Variants in ERBB4 observed in about 807,000 individuals in gnomAD.
The protein encoded by ERBB4 is receptor tyrosine-protein kinase erbB-4.
A neutral mutation model predicts 158.0 loss-of-function variants in ERBB4; 42 were observed. The ratio of observed to expected loss-of-function variants is 0.27; its 90% CI spans 0.21 to 0.34. The LOEUF is 0.34. ERBB4 is among the 10% of genes least tolerant of loss of function. ERBB4 has a pLI of 1.00. For missense variants in ERBB4, 1,333 were observed against 1,624.1 expected, an observed-to-expected ratio of 0.82 and a Z score of 3.08; for synonymous variants, 583 against 558.7, an observed-to-expected ratio of 1.04 and a Z score of -0.61.
chr2:211,799,201 AAC>A (rs571722706), intron 3 of ERBB4, among the ~76,000 whole-genome samples: 1 of 152,264 alleles, frequency 6.6e-6, no homozygotes, highest in Admixed American at 6.5e-5. Flanking sequence ...TTAATTCAAA[AAC>A]ACAATATTCT....
chr2:212,420,821 G>A (rs556734459), intron 1 of ERBB4, among the ~76,000 whole-genome samples: 2 of 152,236 alleles, frequency 1.3e-5, no homozygotes, highest in South Asian at 4.1e-4. Flanking sequence ...CAAATGAAGA[G>A]CATTATGAGG....
At chr2:212,072,139 C>T (rs2078139434) in intron 2 of ERBB4, among the ~76,000 whole-genome samples, 1 of 151,952 alleles carries the variant, frequency 6.6e-6, no homozygotes, top group African/African-American at 2.4e-5. Context: ...TGTGTGTATT[C>T]AGGTCAAGGG....
At chr2:211,503,443 T>C (rs1336736878) in intron 20 of ERBB4, among the ~76,000 whole-genome samples, 1 of 152,138 alleles carries the variant, frequency 6.6e-6, no homozygotes, top group Non-Finnish European at 1.5e-5. Context: ...ACTGCCAGCC[T>C]GGTTGTTACC....
intron 3 of ERBB4, among the ~76,000 whole-genome samples, chr2:211,826,678 G>A (rs541425970): frequency 6.6e-6 from 1 of 151,890 alleles, no homozygotes; most frequent in East Asian, 1.9e-4. Flanking sequence ...TATGCAGAAT[G>A]GGAACAGGAA....
intron 12 of ERBB4, among the ~76,000 whole-genome samples, chr2:211,691,592 GTGTGTGTGTGTATA>G (rs1432480437): frequency 6.8e-6 from 1 of 146,582 alleles, no homozygotes; most frequent in Admixed American, 6.7e-5. Context: ...GTGTGTGTGT[GTGTGTGTGTGTATA>G]TATATAACAG....
At chr2:211,837,836 C>A (rs1379037539) in intron 3 of ERBB4, among the ~76,000 whole-genome samples, 1 of 151,880 alleles carries the variant, frequency 6.6e-6, no homozygotes, top group Non-Finnish European at 1.5e-5. Context: ...TACAGGGTAG[C>A]AAATAAAGAC....
At chr2:212,204,150 AT>A (rs1159272761) in intron 1 of ERBB4, among the ~76,000 whole-genome samples, 7 of 152,100 alleles carry the variant, frequency 4.6e-5, no homozygotes, top group Admixed American at 2.6e-4. Context: ...CACTGATTTG[AT>A]TTTTTAACAA....
At chr2:212,304,274 G>C (rs1415315386) in intron 1 of ERBB4, among the ~76,000 whole-genome samples, 1 of 151,444 alleles carries the variant, frequency 6.6e-6, no homozygotes, top group Non-Finnish European at 1.5e-5. Flanking sequence ...GAAAGCCCGT[G>C]AAACTAATTC....
At chr2:212,455,316 C>A (rs2106040878) in intron 1 of ERBB4, among the ~76,000 whole-genome samples, 1 of 152,298 alleles carries the variant, frequency 6.6e-6, no homozygotes, top group East Asian at 1.9e-4. Context: ...TTTCCATTCT[C>A]TCATTAGGTG....
At chr2:211,540,217 T>G (rs12694239) in intron 20 of ERBB4, among the ~76,000 whole-genome samples, 1 of 122,302 alleles carries the variant, frequency 8.2e-6, no homozygotes, top group Non-Finnish European at 1.8e-5. Flanking sequence ...CACACACACA[T>G]ATATATAATA....
chr2:212,328,240 T>C (rs1319996252), intron 1 of ERBB4, among the ~76,000 whole-genome samples: 1 of 152,022 alleles, frequency 6.6e-6, no homozygotes, highest in Admixed American at 6.6e-5. Flanking sequence ...GAGGCCTTTC[T>C]GTGCAGCTTA....
intron 1 of ERBB4, among the ~76,000 whole-genome samples, chr2:212,518,897 A>G (rs1469439713): frequency 1.3e-5 from 2 of 152,008 alleles, no homozygotes; most frequent in Admixed American, 1.3e-4. Flanking sequence ...GTTGCATGTC[A>G]GGCAATAATC....
chr2:211,639,821 A>G (rs933859034), intron 16 of ERBB4, among the ~76,000 whole-genome samples: 2 of 152,062 alleles, frequency 1.3e-5, no homozygotes. Context: ...TCCGGAGTTC[A>G]AGCGACTCTC....
intron 3 of ERBB4, among the ~76,000 whole-genome samples, chr2:211,840,480 T>C (rs1225244512): frequency 6.6e-6 from 1 of 152,132 alleles, no homozygotes; most frequent in African/African-American, 2.4e-5. Context: ...TGCTGCAGTT[T>C]CCATGGATGG....
intron 20 of ERBB4, among the ~76,000 whole-genome samples, chr2:211,529,306 A>G (rs776250934): frequency 6.6e-6 from 1 of 152,014 alleles, no homozygotes; most frequent in Non-Finnish European, 1.5e-5. Context: ...TTGAACCATG[A>G]AGAAATCCAA....
At chr2:212,384,669 A>G (rs558764993) in intron 1 of ERBB4, among the ~76,000 whole-genome samples, 1 of 151,774 alleles carries the variant, frequency 6.6e-6, no homozygotes, top group Non-Finnish European at 1.5e-5. Flanking sequence ...TGTTTAGCAC[A>G]AAATGGCAAT....
chr2:211,592,160 T>C (rs186019150), intron 19 of ERBB4, among the ~76,000 whole-genome samples: 199 of 148,882 alleles, frequency 1.3e-3, no homozygotes, highest in Non-Finnish European at 2.2e-3. Context: ...TTTAAGACTA[T>C]TACAAGCTGC....
intron 1 of ERBB4, among the ~76,000 whole-genome samples, chr2:212,320,535 A>C (rs1250573170): frequency 1.3e-5 from 2 of 148,632 alleles, no homozygotes; most frequent in African/African-American, 4.9e-5. Context: ...ACAACACAAG[A>C]TTCTGGCTAT....
At chr2:212,118,099 A>G (rs756511914) in intron 2 of ERBB4, among the ~76,000 whole-genome samples, 2 of 152,198 alleles carry the variant, frequency 1.3e-5, no homozygotes, top group Non-Finnish European at 2.9e-5. Flanking sequence ...ACACAAACAT[A>G]AAAACCATCC....
Sources: allele counts gnomAD v4.1 joint callset (sites outside exome capture counted in the v4.1 genomes callset), GRCh38; gene constraint gnomAD v4.1.1; transcripts MANE v1.5; gene names NCBI Gene and HGNC (gene_info 2026-07-23, HGNC 2026-07-21).